Variants in ATP9A observed in about 807,000 individuals in gnomAD.
ATP9A encodes the protein ATPase phospholipid transporting 9A.
A neutral mutation model predicts 144.1 loss-of-function variants in ATP9A; 52 were observed. That is an observed-to-expected ratio of 0.36 (90% confidence interval 0.29 to 0.45). The LOEUF (loss-of-function observed/expected upper bound fraction) is 0.45, where lower values mean the gene tolerates loss of function less well. Among genes scored for constraint, ATP9A ranks in the 20% least tolerant of loss-of-function variants. The pLI is 1.00. For missense variants in ATP9A, 947 were observed against 1,392.7 expected (o/e 0.68, Z 5.09); for synonymous variants, 582 against 557.4 (o/e 1.04, Z -0.62).
intron 19 of ATP9A, 57 bp from the exon 20 acceptor site, chr20:51,619,100 C>T (rs2077215721): frequency 7.4e-6 from 11 of 1,489,624 alleles, no homozygotes; most frequent in South Asian, 1.2e-5. Flanking sequence ...GATAGAACAA[C>T]AAACAGTGGC....
chr20:51,609,182 A>G (rs374818013), intron 24 of ATP9A, among the ~76,000 whole-genome samples: 51 of 152,214 alleles, frequency 3.4e-4, no homozygotes, highest in African/African-American at 1.2e-3. Flanking sequence ...GACCCACGGG[A>G]AAGATGGGAC....
intron 22 of ATP9A, among the ~76,000 whole-genome samples, chr20:51,616,097 G>A (rs2077201942): frequency 1.3e-5 from 2 of 152,120 alleles, no homozygotes. Flanking sequence ...TGTATTCAGG[G>A]AATCTATACA....
At chr20:51,699,039 A>G (rs1365221792) in intron 4 of ATP9A, among the ~76,000 whole-genome samples, 1 of 152,134 alleles carries the variant, frequency 6.6e-6, no homozygotes, top group Non-Finnish European at 1.5e-5. Flanking sequence ...GCTAAGAGAG[A>G]GATAAAAAGT....
In ATP9A at chr20:51,676,224, G is replaced by GAAAAAA; in HGVS notation, c.800-22_800-17dup. 2 of 1,223,434 alleles carry GAAAAAA rather than the reference G, an allele frequency of 1.6e-6. No individual in the cohort carries two copies. Among genetic ancestry groups the GAAAAAA allele is most frequent in the African/African-American group, 1.7e-5 (1 of 59,032 alleles). 75.8% of individuals were successfully genotyped at this position (1,223,434 alleles called of 1,614,324 possible). ...ACAACAGTACCTAAAATGGAAAAAA[G>GAAAAAA]AAAAAAAAAAAAAGAAAAGAAATAT... On this transcript the variant is annotated splice_polypyrimidine_tract_variant and intron_variant, in intron 9 of 27. Transcript: ENST00000338821.
At position 51,690,741 on chromosome 20, in the gene ATP9A, G is replaced by C; in HGVS notation, c.721C>G (p.Arg241Gly). The change falls in exon 8 of 28, where the codon CGA becomes GGA. Residue 241 changes from arginine (R) to glycine (G), a missense_variant and splice_region_variant. Arg to Gly is a moderately radical substitution (Grantham distance 125). Transcript: ENST00000338821. ...CCATGTGAAGGAAGCTCACTTACTC[G>C]GGTAAAAGTTCCCACGAAGTTGTGA... Reference protein sequence around the residue: ...DIHNFVGTFTREDSDPPISES... With the variant: ...DIHNFVGTFTGEDSDPPISES... 1 of 1,613,016 alleles carries C rather than the reference G, an allele frequency of 6.2e-7. No homozygotes were observed. Among genetic ancestry groups the C allele is most frequent in the Non-Finnish European group, 8.5e-7 (1 of 1,179,038 alleles).
chr20:51,669,860 G>A, intron 13 of ATP9A, 137 bp downstream of exon 13: 1 of 684,126 alleles, frequency 1.5e-6, no homozygotes, highest in South Asian at 1.9e-5. Context: ...GCTCAACTCT[G>A]AATATGCTTA....
At chr20:51,683,268 GTTT>G (rs2077508194) in intron 9 of ATP9A, among the ~76,000 whole-genome samples, 1 of 151,292 alleles carries the variant, frequency 6.6e-6, no homozygotes, top group African/African-American at 2.4e-5. Flanking sequence ...TTGTTTGTTT[GTTT>G]TTATTTTTTT....
chr20:51,713,218 A>C, intron 3 of ATP9A, 144 bp from the exon 4 acceptor site: 1 of 686,414 alleles, frequency 1.5e-6, no homozygotes, highest in Non-Finnish European at 2.6e-6. Context: ...TTCCAAATGC[A>C]CACGCCGCTG....
intron 4 of ATP9A, among the ~76,000 whole-genome samples, chr20:51,699,333 C>CAAAAAAAAAAAAAAAAAAAA (rs74175569): frequency 2.8e-5 from 2 of 70,460 alleles, no homozygotes; most frequent in African/African-American, 5.3e-5. Context: ...AACTCAATCT[C>CAAAAAAAAAAAAAAAAAAAA]AAAAAAAAAA....
intron 13 of ATP9A, among the ~76,000 whole-genome samples, chr20:51,657,550 T>C (rs1475846879): frequency 1.3e-5 from 2 of 152,070 alleles, no homozygotes; most frequent in Non-Finnish European, 2.9e-5. Context: ...TATAGGGTGT[T>C]CAGCAGCATC....
chr20:51,725,002 G>T (rs1380109653), intron 3 of ATP9A, among the ~76,000 whole-genome samples: 1 of 152,144 alleles, frequency 6.6e-6, no homozygotes, highest in African/African-American at 2.4e-5. Flanking sequence ...ATCCTTACCA[G>T]TTAAGCATCT....
intron 27 of ATP9A, among the ~76,000 whole-genome samples, chr20:51,603,859 C>A (rs1233622079): frequency 6.6e-6 from 1 of 152,206 alleles, no homozygotes; most frequent in Non-Finnish European, 1.5e-5. Flanking sequence ...CAGCTCACTG[C>A]AACCTTCGCC....
At chr20:51,745,927 C>G (rs1388210158) in intron 1 of ATP9A, among the ~76,000 whole-genome samples, 1 of 152,164 alleles carries the variant, frequency 6.6e-6, no homozygotes, top group Non-Finnish European at 1.5e-5. Context: ...TGGAATCAAC[C>G]TAAATGCCCA....
chr20:51,728,693 G>A (rs2077726593), intron 2 of ATP9A, among the ~76,000 whole-genome samples: 1 of 151,720 alleles, frequency 6.6e-6, no homozygotes, highest in African/African-American at 2.4e-5. Context: ...TTGAGCCCAG[G>A]AGTCTGAGGC....
chr20:51,674,441 C>G, intron 10 of ATP9A, 128 bp from the exon 11 acceptor site: 1 of 890,442 alleles, frequency 1.1e-6, no homozygotes, highest in Admixed American at 2.6e-5. Context: ...GAGAGCTGGT[C>G]CTTCCCCTAC....
At chr20:51,732,960 A>C (rs2077748400) in intron 1 of ATP9A, among the ~76,000 whole-genome samples, 1 of 151,968 alleles carries the variant, frequency 6.6e-6, no homozygotes, top group Non-Finnish European at 1.5e-5. Context: ...TCCCTATCCT[A>C]TAATAATCTA....
intron 3 of ATP9A, among the ~76,000 whole-genome samples, chr20:51,715,116 T>C (rs2077656540): frequency 1.3e-5 from 2 of 152,258 alleles, no homozygotes; most frequent in Admixed American, 1.3e-4. Flanking sequence ...TTAGCAGTTG[T>C]GGTTCTTGGA....
At chr20:51,676,334 G>A in intron 9 of ATP9A, 126 bp from the exon 10 acceptor site, 1 of 670,148 alleles carries the variant, frequency 1.5e-6, no homozygotes, top group South Asian at 2.1e-5. Context: ...ACAGAGTCTT[G>A]CTCTGTTGCT....
intron 1 of ATP9A, among the ~76,000 whole-genome samples, chr20:51,748,843 G>A (rs980693951): frequency 6.6e-6 from 1 of 152,046 alleles, no homozygotes; most frequent in African/African-American, 2.4e-5. Context: ...CCAGCACTTT[G>A]GAGGCCCAGG....
Sources: allele counts gnomAD v4.1 joint callset (sites outside exome capture counted in the v4.1 genomes callset), GRCh38; gene constraint gnomAD v4.1.1; transcripts MANE v1.5; gene names NCBI Gene and HGNC (gene_info 2026-07-23, HGNC 2026-07-21).